The following CDH12 variants were observed in gnomAD, a reference collection of about 807,000 sequenced individuals.
CDH12 encodes cadherin 12.
In CDH12, 41 loss-of-function variants were observed where a neutral mutation model predicts 74.1. The ratio of observed to expected loss-of-function variants is 0.55; its 90% confidence interval spans 0.43 to 0.72. The LOEUF (loss-of-function observed/expected upper bound fraction) is 0.72, where lower values mean the gene tolerates loss of function less well. Ranked by LOEUF, CDH12 falls within the 30% of genes least tolerant of loss-of-function variation. CDH12 has a pLI of 0.00. For synonymous variants in CDH12, 399 were observed against 355.0 expected, an observed-to-expected ratio of 1.12 and a Z score of -1.39; for missense variants, 945 against 977.2, an observed-to-expected ratio of 0.97 and a Z score of 0.44.
At chr5:22,376,298 G>C (rs755643386) in intron 3 of CDH12, among the ~76,000 whole-genome samples, 1 of 152,010 alleles carries the variant, frequency 6.6e-6, no homozygotes, top group African/African-American at 2.4e-5. Flanking sequence ...TGCTGTGAAG[G>C]GTTTGTGTCT....
intron 1 of CDH12, among the ~76,000 whole-genome samples, chr5:22,541,708 A>G (rs890442745): frequency 2.0e-5 from 3 of 152,208 alleles, no homozygotes; most frequent in Non-Finnish European, 2.9e-5. Context: ...ACCTTTCAAA[A>G]TACATTTGCC....
At chr5:22,262,416 A>G (rs1753554028) in intron 3 of CDH12, among the ~76,000 whole-genome samples, 1 of 151,558 alleles carries the variant, frequency 6.6e-6, no homozygotes, top group South Asian at 2.1e-4. Context: ...ATGATTTCCA[A>G]TTTCATCCAT....
At chr5:22,605,389 C>T (rs1737059359) in intron 1 of CDH12, among the ~76,000 whole-genome samples, 1 of 152,274 alleles carries the variant, frequency 6.6e-6, no homozygotes, top group Non-Finnish European at 1.5e-5. Flanking sequence ...CCATCAGTCC[C>T]TCATGAGAGG....
At chr5:21,794,865 A>G (rs1218458354) in intron 10 of CDH12, among the ~76,000 whole-genome samples, 1 of 151,450 alleles carries the variant, frequency 6.6e-6, no homozygotes, top group African/African-American at 2.4e-5. Context: ...TGTAGAGCCC[A>G]ATTTCTCATT....
intron 1 of CDH12, among the ~76,000 whole-genome samples, chr5:22,769,407 T>C (rs1746691617): frequency 6.6e-6 from 1 of 152,118 alleles, no homozygotes; most frequent in African/African-American, 2.4e-5. Flanking sequence ...TTTGGGCTCT[T>C]GGATTTACAC....
At chr5:21,827,338 T>A in intron 8 of CDH12, among the ~76,000 whole-genome samples, 1 of 139,920 alleles carries the variant, frequency 7.1e-6, no homozygotes, top group African/African-American at 2.8e-5. Context: ...TTGGGCACAC[T>A]TGAGGAAAGT....
At chr5:21,890,065 T>C (rs887162557) in intron 6 of CDH12, among the ~76,000 whole-genome samples, 1 of 151,456 alleles carries the variant, frequency 6.6e-6, no homozygotes, top group African/African-American at 2.4e-5. Context: ...TGACTGACAC[T>C]TAAATGAATC....
intron 3 of CDH12, among the ~76,000 whole-genome samples, chr5:22,219,294 G>C (rs1442511136): frequency 2.0e-5 from 3 of 151,628 alleles, no homozygotes; most frequent in Admixed American, 2.0e-4. Flanking sequence ...TATTGTTACA[G>C]AGTGGCTCTA....
At chr5:22,392,802 A>G (rs997431213) in intron 3 of CDH12, among the ~76,000 whole-genome samples, 2 of 152,150 alleles carry the variant, frequency 1.3e-5, no homozygotes, top group African/African-American at 4.8e-5. Flanking sequence ...TAGAACAACA[A>G]TTTTACAAAG....
At chr5:21,802,742 C>A (rs1747203722) in intron 9 of CDH12, among the ~76,000 whole-genome samples, 1 of 151,854 alleles carries the variant, frequency 6.6e-6, no homozygotes, top group Non-Finnish European at 1.5e-5. Context: ...CAGGCGCCCG[C>A]CACCATGCCT....
At chr5:22,144,491 T>C (rs1321082172) in intron 4 of CDH12, among the ~76,000 whole-genome samples, 2 of 152,142 alleles carry the variant, frequency 1.3e-5, no homozygotes, top group Non-Finnish European at 2.9e-5. Context: ...CTTTTGATTA[T>C]TTTTGGCCTC....
At chr5:22,439,599 A>G (rs1413812720) in intron 2 of CDH12, among the ~76,000 whole-genome samples, 2 of 152,046 alleles carry the variant, frequency 1.3e-5, no homozygotes, top group African/African-American at 4.8e-5. Context: ...ATCCTGCTGA[A>G]GGTGTGGTAT....
chr5:22,302,044 G>A (rs1032483617), intron 3 of CDH12, among the ~76,000 whole-genome samples: 5 of 151,968 alleles, frequency 3.3e-5, no homozygotes, highest in Admixed American at 2.6e-4. Flanking sequence ...GAGTGAGAGA[G>A]AGTCTCAAAA....
At chr5:22,501,717 G>A (rs1197561455) in intron 2 of CDH12, among the ~76,000 whole-genome samples, 1 of 148,098 alleles carries the variant, frequency 6.8e-6, no homozygotes, top group Admixed American at 6.7e-5. Flanking sequence ...TTTACCAAAT[G>A]ATTTTTAGTT....
At chr5:22,560,722 T>C (rs1240220053) in intron 1 of CDH12, among the ~76,000 whole-genome samples, 3 of 152,138 alleles carry the variant, frequency 2.0e-5, no homozygotes, top group Non-Finnish European at 4.4e-5. Flanking sequence ...TCGTCAAGTT[T>C]TGGACTAACC....
intron 1 of CDH12, among the ~76,000 whole-genome samples, chr5:22,795,418 CA>C (rs1156951374): frequency 6.6e-6 from 1 of 151,976 alleles, no homozygotes; most frequent in Non-Finnish European, 1.5e-5. Flanking sequence ...ATAAGGAAGG[CA>C]AAGCATCTTT....
At chr5:22,384,451 G>A (rs535229858) in intron 3 of CDH12, among the ~76,000 whole-genome samples, 4 of 146,822 alleles carry the variant, frequency 2.7e-5, no homozygotes, top group East Asian at 2.0e-4. Flanking sequence ...GCGTGAACCC[G>A]GGAGGCGGAG....
chr5:21,875,928 G>T, intron 6 of CDH12, among the ~76,000 whole-genome samples: 1 of 126,106 alleles, frequency 7.9e-6, no homozygotes, highest in African/African-American at 2.9e-5. Flanking sequence ...ACGGAGTCTC[G>T]CTCTCTCTCC....
intron 1 of CDH12, among the ~76,000 whole-genome samples, chr5:22,790,772 C>T (rs948357980): frequency 2.0e-5 from 3 of 152,000 alleles, no homozygotes; most frequent in Admixed American, 6.6e-5. Context: ...GGAGCTGTTA[C>T]GTAAATATCA....
Sources: allele counts gnomAD v4.1 joint callset (sites outside exome capture counted in the v4.1 genomes callset), GRCh38; gene constraint gnomAD v4.1.1; transcripts MANE v1.5; gene names NCBI Gene and HGNC (gene_info 2026-07-23, HGNC 2026-07-21).